The following ESRRG variants were observed in gnomAD, a reference collection of about 807,000 sequenced individuals.
The protein encoded by ESRRG is estrogen-related receptor gamma.
In ESRRG, 13 loss-of-function variants were observed where a neutral mutation model predicts 44.0. The observed-to-expected ratio is 0.30, with a 90% CI of 0.19 to 0.47. ESRRG has a LOEUF of 0.47. Ranked by LOEUF, ESRRG falls within the 20% of genes least tolerant of loss-of-function variation. The pLI is 1.00. For missense variants in ESRRG, 395 were observed against 580.6 expected, an observed-to-expected ratio of 0.68 and a Z score of 3.29; for synonymous variants, 215 against 214.6, an observed-to-expected ratio of 1.00 and a Z score of -0.02.
intron 1 of ESRRG, among the ~76,000 whole-genome samples, chr1:217,032,664 C>T (rs75539475): frequency 0.011 from 1,625 of 152,146 alleles, 22 homozygotes; most frequent in African/African-American, 0.037. Context: ...TTATTTGTTT[C>T]ATTATTTGGG....
chr1:216,530,020 G>A (rs1207472865), intron 5 of ESRRG, among the ~76,000 whole-genome samples: 1 of 146,264 alleles, frequency 6.8e-6, no homozygotes, highest in Non-Finnish European at 1.5e-5. Context: ...GCTGAGGCAG[G>A]AAAATCGCTT....
rs74459414 is a variant in ESRRG at position 216,710,042 on chromosome 1, G to T, written c.56+13202C>A. ...AGAGAAAATGAGTGCATGCTCCCTC[G>T]CATGCCTTCTCTGCACCTAAACAGA... On this transcript the variant is annotated intron_variant, in intron 1 of 6. Transcript: ENST00000408911. Among the ~76,000 whole-genome samples the T allele has an allele frequency of 5.7e-4, 87 of 152,170 alleles. 1 individual carries two copies. In the East Asian group the frequency reaches 0.016, roughly 28 times the overall value.
intron 2 of ESRRG, among the ~76,000 whole-genome samples, chr1:216,796,022 C>T (rs555880084): frequency 6.6e-6 from 1 of 152,258 alleles, no homozygotes; most frequent in South Asian, 2.1e-4. Context: ...AGGGCAGGGG[C>T]CTGTGAGGCC....
chr1:216,658,915 GAAATA>G (rs1261082021), intron 2 of ESRRG, among the ~76,000 whole-genome samples: 2 of 127,690 alleles, frequency 1.6e-5, no homozygotes, highest in Non-Finnish European at 1.7e-5. Context: ...GAAGAGAAGA[GAAATA>G]AAGAAAAGAA....
At chr1:216,695,871 T>C (rs2080044927) in intron 1 of ESRRG, among the ~76,000 whole-genome samples, 1 of 152,194 alleles carries the variant, frequency 6.6e-6, no homozygotes, top group South Asian at 2.1e-4. Flanking sequence ...AAGCATTGCA[T>C]GTATACAGCC....
At chr1:217,124,738 A>C (rs2092867199) in intron 1 of ESRRG, among the ~76,000 whole-genome samples, 1 of 152,234 alleles carries the variant, frequency 6.6e-6, no homozygotes, top group Admixed American at 6.5e-5. Flanking sequence ...TAGCTCACTG[A>C]AAATGCCTGT....
intron 1 of ESRRG, among the ~76,000 whole-genome samples, chr1:217,132,509 C>A (rs1235917626): frequency 6.6e-6 from 1 of 152,170 alleles, no homozygotes; most frequent in African/African-American, 2.4e-5. Flanking sequence ...AGCTGATTAT[C>A]GCATCCCTGG....
chr1:216,797,470 A>T (rs1178260711), intron 2 of ESRRG, among the ~76,000 whole-genome samples: 4 of 152,076 alleles, frequency 2.6e-5, no homozygotes, highest in Non-Finnish European at 5.9e-5. Flanking sequence ...TAGCTACTTC[A>T]CAGTATACCC....
At chr1:216,509,430 T>C (rs2148748785) in intron 6 of ESRRG, among the ~76,000 whole-genome samples, 1 of 152,350 alleles carries the variant, frequency 6.6e-6, no homozygotes, top group African/African-American at 2.4e-5. Flanking sequence ...GTCCTGTTTC[T>C]AATTACTAGA....
At chr1:216,733,455 C>T (rs2089270901) in intron 2 of ESRRG, among the ~76,000 whole-genome samples, 1 of 152,150 alleles carries the variant, frequency 6.6e-6, no homozygotes, top group East Asian at 1.9e-4. Context: ...ACTTCATTGC[C>T]GTCATTGAGC....
In ESRRG at chr1:216,821,706, A is replaced by AT. The variant is rs2095297939; in HGVS notation, c.-14+117875_-14+117876insA. ...CCTCAGGAAAAATAAATAAATAAAT[A>AT]AATAAATAAATAAATAAATAAATAA... is the stretch of plus-strand genomic sequence containing the variant. On this transcript the variant is annotated intron_variant, in intron 2 of 7. Coordinates refer to the ESRRG transcript ENST00000359162. Among the ~76,000 whole-genome samples the AT allele has an allele frequency of 1.5e-5, 2 of 133,742 alleles. 1 individual carries two copies. Among genetic ancestry groups the AT allele is most frequent in the Non-Finnish European group, 3.2e-5 (2 of 62,376 alleles). 87.7% of individuals were successfully genotyped at this position (133,742 alleles called of 152,430 possible).
At chr1:216,733,358 G>T (rs2089250309) in intron 2 of ESRRG, among the ~76,000 whole-genome samples, 1 of 151,464 alleles carries the variant, frequency 6.6e-6, no homozygotes, top group African/African-American at 2.4e-5. Flanking sequence ...TATTAGCAAA[G>T]ATGCTTAAAT....
At chr1:217,031,778 G>A (rs1228966876) in intron 1 of ESRRG, among the ~76,000 whole-genome samples, 3 of 152,170 alleles carry the variant, frequency 2.0e-5, no homozygotes, top group Non-Finnish European at 4.4e-5. Flanking sequence ...TTCATTAGGG[G>A]CTTCCCGCTT....
At chr1:217,126,468 T>C (rs1283999732) in intron 1 of ESRRG, among the ~76,000 whole-genome samples, 4 of 152,150 alleles carry the variant, frequency 2.6e-5, no homozygotes, top group Non-Finnish European at 5.9e-5. Context: ...ACCCATGCCA[T>C]AAGCCTGGCA....
Position 216,510,703 on chromosome 1 carries a change from G to A in ESRRG, c.1133-3520C>T, listed in dbSNP as rs540902175. Among the ~76,000 whole-genome samples the A allele has an allele frequency of 4.4e-4, 67 of 152,132 alleles. 1 individual carries two copies. Among genetic ancestry groups the A allele is most frequent in the African/African-American group, 1.5e-3 (61 of 41,512 alleles). ...GATCGAGACCATCCTGGCTAACACCGTGAAACCCCGTCTCTACTAAAAATA... is the reference window on the plus strand; with the variant it reads ...GATCGAGACCATCCTGGCTAACACCATGAAACCCCGTCTCTACTAAAAATA... On this transcript the variant is annotated intron_variant, in intron 6 of 6. Coordinates refer to ENST00000408911, the MANE Select transcript of ESRRG (RefSeq NM_001438.4).
intron 2 of ESRRG, among the ~76,000 whole-genome samples, chr1:216,658,597 G>C (rs2071266623): frequency 1.3e-5 from 2 of 151,110 alleles, no homozygotes; most frequent in Non-Finnish European, 2.9e-5. Context: ...GAGGCAGGTG[G>C]ATCACCTGAG....
chr1:216,707,091 T>C (rs994176609), intron 1 of ESRRG, among the ~76,000 whole-genome samples: 1 of 152,222 alleles, frequency 6.6e-6, no homozygotes, highest in Non-Finnish European at 1.5e-5. Flanking sequence ...TTTTCAATAG[T>C]CATTTACTTT....
chr1:216,779,326 T>A (rs1471309649), intron 2 of ESRRG, among the ~76,000 whole-genome samples: 1 of 90,586 alleles, frequency 1.1e-5, no homozygotes, highest in African/African-American at 4.6e-5. Flanking sequence ...TAAATATAAA[T>A]ATATATTTAT....
intron 2 of ESRRG, among the ~76,000 whole-genome samples, chr1:216,921,450 G>A (rs1057146043): frequency 5.3e-5 from 8 of 152,160 alleles, no homozygotes; most frequent in African/African-American, 1.4e-4. Context: ...TAAAGGACAC[G>A]TTCCTGACAA....
Sources: allele counts gnomAD v4.1 joint callset (sites outside exome capture counted in the v4.1 genomes callset), GRCh38; gene constraint gnomAD v4.1.1; transcripts MANE v1.5; gene names NCBI Gene and HGNC (gene_info 2026-07-23, HGNC 2026-07-21).